PGAP1: variants seen among roughly 807,000 people sequenced by gnomAD.
PGAP1 encodes GPI inositol-deacylase.
PGAP1 carries 76 observed loss-of-function variants against 127.0 expected under a neutral mutation model. That is an observed-to-expected ratio of 0.60 (90% CI 0.50 to 0.72). The LOEUF (loss-of-function observed/expected upper bound fraction) is 0.72, where lower values mean the gene tolerates loss of function less well. PGAP1 is among the 30% of genes least tolerant of loss of function. The pLI, the probability that PGAP1 is intolerant of heterozygous loss-of-function variation, is 0.00. For missense variants in PGAP1, 982 were observed against 1,071.3 expected, an observed-to-expected ratio of 0.92 and a Z score of 1.16; for synonymous variants, 362 against 366.5, an observed-to-expected ratio of 0.99 and a Z score of 0.14.
At chr2:196,917,195 T>C (rs996747865) in intron 2 of PGAP1, among the ~76,000 whole-genome samples, 3 of 152,226 alleles carry the variant, frequency 2.0e-5, no homozygotes, top group African/African-American at 4.8e-5. Context: ...CTTTTTGTTC[T>C]TGTTGTTGTT....
Position 196,926,634 on chromosome 2 carries a change from C to G in PGAP1, c.-18G>C, listed in dbSNP as rs1703373637. 1.2e-6 allele frequency: 2 copies of G among 1,612,592 alleles called. No individual in the cohort carries two copies. Among genetic ancestry groups the G allele is most frequent in the East Asian group, 4.5e-5 (2 of 44,832 alleles). On this transcript the variant is annotated 5_prime_UTR_variant, in exon 1 of 27. Coordinates refer to ENST00000354764, the MANE Select transcript of PGAP1 (RefSeq NM_024989.4). ...AGAAACATGGTGCCGCCACCACCGCCGCCGCCGCCGCCGCCCCCTCTACCT... is the reference window on the plus strand; with the variant it reads ...AGAAACATGGTGCCGCCACCACCGCGGCCGCCGCCGCCGCCCCCTCTACCT...
chr2:196,893,687 C>T (rs950871217), intron 7 of PGAP1, among the ~76,000 whole-genome samples: 8 of 152,194 alleles, frequency 5.3e-5, no homozygotes, highest in African/African-American at 1.4e-4. Context: ...CTACTGCCAA[C>T]ACCATAACAA....
At chr2:196,856,793 C>A (rs1700897418) in intron 20 of PGAP1, among the ~76,000 whole-genome samples, 1 of 152,186 alleles carries the variant, frequency 6.6e-6, no homozygotes, top group Non-Finnish European at 1.5e-5. Flanking sequence ...GGATAATGGT[C>A]ATTTGATGTA....
Position 196,835,984 on chromosome 2 carries a change from A to G in PGAP1, c.*5250T>C, listed in dbSNP as rs534469102. The G allele has an allele frequency of 4.4e-4, 67 of 152,176 alleles. No homozygotes were observed. Among genetic ancestry groups the G allele is most frequent in the African/African-American group, 1.3e-3 (56 of 41,562 alleles). 9.4% of individuals were successfully genotyped at this position (152,176 alleles called of 1,614,324 possible). A position where few individuals can be genotyped will look rare whatever the true frequency, so the allele number is the denominator to read the frequency against. ...TATTGTATAAATATTAAAAACAAAA[A>G]TGACATTAAAAAATAGCATATGAAC... On this transcript the variant is annotated 3_prime_UTR_variant, in exon 27 of 27. Coordinates refer to ENST00000354764, the MANE Select transcript of PGAP1 (RefSeq NM_024989.4).
chr2:196,894,417 C>T (rs901740346), intron 7 of PGAP1, among the ~76,000 whole-genome samples: 1 of 152,216 alleles, frequency 6.6e-6, no homozygotes. Context: ...TGCAAACTCT[C>T]TACTTCAAAT....
Position 196,836,529 on chromosome 2 carries a change from T to C in PGAP1, c.*4705A>G, listed in dbSNP as rs1019686412. On this transcript the variant is annotated 3_prime_UTR_variant, in exon 27 of 27. Transcript: ENST00000354764. ...TGCAGTATACATATTTGGATTTGGA[T>C]TACTGACCTGACTTTTCTTTCCTAT... 6.6e-6 allele frequency: 1 copy of C among 152,184 alleles called. No homozygotes were observed. The highest frequency in any genetic ancestry group is 2.4e-5 in the African/African-American group (1 of 41,456). 9.4% of individuals were successfully genotyped at this position (152,184 alleles called of 1,614,324 possible).
chr2:196,847,870 A>G (rs1458467105), intron 21 of PGAP1, 77 bp downstream of exon 21: 2 of 1,096,438 alleles, frequency 1.8e-6, no homozygotes, highest in Non-Finnish European at 2.5e-6. Context: ...ATGAAAATTT[A>G]TATTGCATTA....
At chr2:196,857,711 A>G (rs1700929707) in intron 20 of PGAP1, among the ~76,000 whole-genome samples, 1 of 152,220 alleles carries the variant, frequency 6.6e-6, no homozygotes, top group South Asian at 2.1e-4. Flanking sequence ...CTTGATAATA[A>G]AACTAACACA....
chr2:196,923,665 T>TC (rs1703280648), intron 1 of PGAP1, among the ~76,000 whole-genome samples: 1 of 151,756 alleles, frequency 6.6e-6, no homozygotes, highest in Admixed American at 6.6e-5. Context: ...TTTTTTTCTT[T>TC]CTTTTTTTTT....
chr2:196,922,164 C>T, intron 1 of PGAP1: 2 of 1,297,572 alleles, frequency 1.5e-6, no homozygotes, highest in Non-Finnish European at 2.0e-6. Flanking sequence ...TTGACTCTGC[C>T]TTAGTTCAGG....
intron 21 of PGAP1, 112 bp downstream of exon 21, chr2:196,847,835 G>T: frequency 7.0e-6 from 5 of 717,104 alleles, no homozygotes; most frequent in East Asian, 3.2e-5. Context: ...CTCATTTAAT[G>T]AAACAAGTCA....
At chr2:196,880,819 G>A (rs965821889) in intron 12 of PGAP1, among the ~76,000 whole-genome samples, 1 of 152,122 alleles carries the variant, frequency 6.6e-6, no homozygotes, top group Non-Finnish European at 1.5e-5. Flanking sequence ...TCTATTTAAT[G>A]AAAAGCCAAG....
At chr2:196,857,022 T>C (rs1191068531) in intron 20 of PGAP1, among the ~76,000 whole-genome samples, 3 of 152,152 alleles carry the variant, frequency 2.0e-5, no homozygotes, top group Non-Finnish European at 4.4e-5. Flanking sequence ...GTGAATGGGA[T>C]TGCCTTTCTG....
At chr2:196,891,043 T>C (rs1702084063) in intron 9 of PGAP1, 132 bp from the exon 10 acceptor site, 2 of 562,098 alleles carry the variant, frequency 3.6e-6, no homozygotes, top group South Asian at 2.5e-5. Context: ...ACCAATTCTC[T>C]AGGAGTGGGA....
intron 20 of PGAP1, among the ~76,000 whole-genome samples, chr2:196,856,364 A>G (rs1700883484): frequency 6.6e-6 from 1 of 152,144 alleles, no homozygotes. Context: ...ATGTAGAGAG[A>G]AAAAAATTAT....
In PGAP1 at chr2:196,833,712, T is replaced by A. The variant is rs1389744212; in HGVS notation, c.*7522A>T. ...TAAAATGGGAAAACAATGTGTTGAG[T>A]TTACTTTCAAAATTGAAATTGAAAA... is the stretch of plus-strand genomic sequence containing the variant. On this transcript the variant is annotated 3_prime_UTR_variant, in exon 27 of 27. Coordinates refer to ENST00000354764, the MANE Select transcript of PGAP1 (RefSeq NM_024989.4). The A allele has an allele frequency of 6.6e-6, 1 of 152,088 alleles. No individual in the cohort carries two copies. The highest frequency in any genetic ancestry group is 2.4e-5 in the African/African-American group (1 of 41,452). 9.4% of individuals were successfully genotyped at this position (152,088 alleles called of 1,614,324 possible).
At chr2:196,903,376 T>C (rs1702563129) in intron 4 of PGAP1, among the ~76,000 whole-genome samples, 1 of 151,142 alleles carries the variant, frequency 6.6e-6, no homozygotes, top group Non-Finnish European at 1.5e-5. Flanking sequence ...GCCTGGCCAA[T>C]ATGGTGAAAG....
chr2:196,900,279 G>C (rs2125825541), intron 5 of PGAP1, among the ~76,000 whole-genome samples: 1 of 152,262 alleles, frequency 6.6e-6, no homozygotes, highest in East Asian at 1.9e-4. Flanking sequence ...ACCCAGGGCA[G>C]TTACATGAAT....
At chr2:196,902,396 T>TATCCATTC (rs1553604323) in intron 5 of PGAP1, among the ~76,000 whole-genome samples, 189 bp downstream of exon 5, 29 of 151,480 alleles carry the variant, frequency 1.9e-4, no homozygotes, top group Admixed American at 3.3e-4. Flanking sequence ...AACACATTCA[T>TATCCATTC]ATTCATTCAT....
Sources: allele counts gnomAD v4.1 joint callset (sites outside exome capture counted in the v4.1 genomes callset), GRCh38; gene constraint gnomAD v4.1.1; transcripts MANE v1.5; gene names NCBI Gene and HGNC (gene_info 2026-07-23, HGNC 2026-07-21).